The following DSC3 variants were observed in gnomAD, a reference collection of about 807,000 sequenced individuals.
DSC3 encodes the protein desmocollin-3.
DSC3 carries 97 observed loss-of-function variants against 89.5 expected under a neutral mutation model. The observed-to-expected ratio is 1.08, with a 90% CI of 0.92 to 1.28. DSC3 has a LOEUF of 1.28. DSC3 is among the 50% of genes most tolerant of loss of function. DSC3 has a pLI of 0.00. For missense variants in DSC3, 1,199 were observed against 1,085.3 expected, an observed-to-expected ratio of 1.10 and a Z score of -1.47; for synonymous variants, 436 against 384.1, an observed-to-expected ratio of 1.14 and a Z score of -1.58.
At chr18:31,020,819 G>C (rs563206308) in intron 7 of DSC3, among the ~76,000 whole-genome samples, 63 of 152,158 alleles carry the variant, frequency 4.1e-4, no homozygotes, top group African/African-American at 1.4e-3. Flanking sequence ...GGTGTGTCCT[G>C]TAATCCCAGC....
Position 30,994,133 on chromosome 18 carries a change from C to T in DSC3, c.*42G>A. 1 of 1,586,816 alleles carries T rather than the reference C, an allele frequency of 6.3e-7. No homozygotes were observed. The highest frequency in any genetic ancestry group is 8.7e-7 in the Non-Finnish European group (1 of 1,155,676). On this transcript the variant is annotated 3_prime_UTR_variant, in exon 16 of 16. Coordinates refer to ENST00000360428, the MANE Select transcript of DSC3 (RefSeq NM_001941.5). ...ACTTTACAATATTATTTTTGGAAAC[C>T]TCCAGAATGTCTGACAAAGACCTAA...
rs67608580 is a variant in DSC3 at position 31,001,089 on chromosome 18, GTA to G, written c.2235+527_2235+528del. 8.7e-4 allele frequency among the ~76,000 whole-genome samples: 110 copies of G among 125,838 alleles called. 1 individual carries two copies. The highest frequency in any genetic ancestry group is 2.2e-3 in the South Asian group (8 of 3,642). 82.6% of individuals were successfully genotyped at this position (125,838 alleles called of 152,430 possible). ...GTGTTTATATATACTTTGTGTGTGT[GTA>G]TATATATATATATATATATATACTT... On this transcript the variant is annotated intron_variant, in intron 14 of 15. Transcript: ENST00000360428.
In DSC3 at chr18:31,004,199, C is replaced by T; in HGVS notation, c.2056G>A (p.Val686Ile). The T allele has an allele frequency of 1.2e-6, 2 of 1,613,950 alleles. No homozygotes were observed. The highest frequency in any genetic ancestry group is 1.7e-6 in the Non-Finnish European group (2 of 1,179,902). ...QCRATSRSTGVILGKWAILAI... is the reference protein window; with the variant it reads ...QCRATSRSTGIILGKWAILAI... ...AGGATTGCCCATTTTCCAAGTATTA[C>T]TCCTGTACTCCTTGAAGTCGCACGA... The change falls in exon 13 of 16, where the codon GTA (valine) becomes ATA (isoleucine). Residue 686 changes from valine to isoleucine, a missense_variant. Val to Ile is a conservative substitution (Grantham distance 29, BLOSUM62 3). Coordinates refer to ENST00000360428, the MANE Select transcript of DSC3 (RefSeq NM_001941.5).
Position 31,025,391 on chromosome 18 carries a change from C to G in DSC3, c.630+369G>C, listed in dbSNP as rs138575467. ...AATGGAAGTAAGAACAGTATAGATA[C>G]AGGATTCTTCCAATCAACTGTAGAC... On this transcript the variant is annotated intron_variant, in intron 5 of 15. Transcript: ENST00000360428. Among the ~76,000 whole-genome samples, 1,191 of 152,134 alleles carry G rather than the reference C, an allele frequency of 7.8e-3. 19 individuals carry two copies. The highest frequency in any genetic ancestry group is 0.028 in the African/African-American group (1,151 of 41,506).
chr18:31,042,717 A>G lies in DSC3; in HGVS notation c.-57T>C, dbSNP rs1298923842. On this transcript the variant is annotated 5_prime_UTR_variant, in exon 1 of 16. Transcript: ENST00000360428. ...GCGCCGGGAGGGTGCCGAGAGCGAG[A>G]CCTGCCGAGGTGCAGGGCGCGGGAG... 1.3e-6 allele frequency: 2 copies of G among 1,500,822 alleles called. No individual in the cohort carries two copies. Among genetic ancestry groups the G allele is most frequent in the African/African-American group, 2.8e-5 (2 of 71,924 alleles). The allele number at this position is 1,500,822 out of a possible 1,614,324, so 93.0% of individuals were successfully genotyped here.
intron 1 of DSC3, among the ~76,000 whole-genome samples, chr18:31,036,516 T>C (rs1274948948): frequency 1.3e-5 from 2 of 152,134 alleles, no homozygotes; most frequent in Non-Finnish European, 2.9e-5. Flanking sequence ...ATTAAAATTT[T>C]CTGTATACCA....
intron 1 of DSC3, among the ~76,000 whole-genome samples, chr18:31,032,594 G>C (rs1307029825): frequency 9.0e-6 from 1 of 111,196 alleles, no homozygotes; most frequent in Non-Finnish European, 1.8e-5. Context: ...GTGTGTGCGT[G>C]TGCGTGTGCG....
intron 1 of DSC3, 82 bp downstream of exon 1, chr18:31,042,510 C>A (rs2144750152): frequency 7.0e-7 from 1 of 1,420,672 alleles, no homozygotes; most frequent in African/African-American, 1.4e-5. Flanking sequence ...TTTCGGCCCG[C>A]TTTGTCCCCA....
chr18:31,012,213 A>G lies in DSC3; in HGVS notation c.1264-3688T>C, dbSNP rs567650568. On this transcript the variant is annotated intron_variant, in intron 9 of 15. Coordinates refer to ENST00000360428, the MANE Select transcript of DSC3 (RefSeq NM_001941.5). ...AATGACTCAAAGGAAAAGAGGAGGT[A>G]CGATTAGCAAAGGAGCTAGTAATGT... is the stretch of plus-strand genomic sequence containing the variant. 3.9e-5 allele frequency among the ~76,000 whole-genome samples: 6 copies of G among 152,310 alleles called. No homozygotes were observed. The East Asian group carries it at 1.2e-3, about 29-fold the overall frequency.
intron 1 of DSC3, among the ~76,000 whole-genome samples, chr18:31,034,032 C>T (rs1195453057): frequency 1.3e-5 from 2 of 152,080 alleles, no homozygotes; most frequent in Non-Finnish European, 2.9e-5. Flanking sequence ...TCACCGTGTT[C>T]GCCAGGATTG....
At chr18:31,005,422 G>A (rs1461477905) in intron 12 of DSC3, among the ~76,000 whole-genome samples, 1 of 152,090 alleles carries the variant, frequency 6.6e-6, no homozygotes, top group Non-Finnish European at 1.5e-5. Context: ...TCTGGGAATG[G>A]CATTGCCTTA....
At chr18:30,998,055 TG>T (rs1984536187) in intron 14 of DSC3, among the ~76,000 whole-genome samples, 3 of 152,244 alleles carry the variant, frequency 2.0e-5, no homozygotes, top group Non-Finnish European at 4.4e-5. Flanking sequence ...ACAGGGACTG[TG>T]AAGAATTTTA....
intron 1 of DSC3, among the ~76,000 whole-genome samples, chr18:31,036,939 C>T (rs1341843744): frequency 6.6e-6 from 1 of 151,430 alleles, no homozygotes; most frequent in African/African-American, 2.4e-5. Flanking sequence ...ATTACAGGCG[C>T]CTGCCACCAC....
At chr18:31,016,597 C>A (rs1393554374) in intron 9 of DSC3, among the ~76,000 whole-genome samples, 1 of 152,136 alleles carries the variant, frequency 6.6e-6, no homozygotes, top group African/African-American at 2.4e-5. Context: ...GCTGTAGATT[C>A]ACATCTCAAG....
intron 1 of DSC3, among the ~76,000 whole-genome samples, chr18:31,041,980 C>T (rs1986148175): frequency 6.6e-6 from 1 of 152,116 alleles, no homozygotes; most frequent in Non-Finnish European, 1.5e-5. Context: ...GCGCCCCCGG[C>T]ACATCCCGCC....
At chr18:31,041,257 C>A (rs1458851674) in intron 1 of DSC3, among the ~76,000 whole-genome samples, 2 of 152,202 alleles carry the variant, frequency 1.3e-5, no homozygotes, top group East Asian at 3.8e-4. Context: ...TGCTTGTAAA[C>A]TGAAAAGCTG....
chr18:31,002,359 T>C (rs750454844), intron 13 of DSC3, among the ~76,000 whole-genome samples: 103 of 152,284 alleles, frequency 6.8e-4, no homozygotes, highest in Non-Finnish European at 1.2e-3. Context: ...AGCTAAGACT[T>C]TGTATTTTAA....
chr18:31,040,275 T>C (rs1986090860), intron 1 of DSC3, among the ~76,000 whole-genome samples: 2 of 152,094 alleles, frequency 1.3e-5, no homozygotes, highest in African/African-American at 4.8e-5. Context: ...GTATACTAGA[T>C]AACATAATCT....
intron 14 of DSC3, among the ~76,000 whole-genome samples, chr18:30,998,365 C>T (rs1984545830): frequency 6.6e-6 from 1 of 152,062 alleles, no homozygotes; most frequent in Admixed American, 6.5e-5. Context: ...TGGTACAACT[C>T]ACTGAAACAG....
Sources: gnomAD v4.1 joint callset for allele counts (sites outside exome capture counted in the v4.1 genomes callset) on GRCh38, gnomAD v4.1.1 for gene constraint, MANE v1.5 for transcripts, NCBI Gene and HGNC (gene_info 2026-07-23, HGNC 2026-07-21) for gene names.